TM9SF4: variants seen among roughly 807,000 people sequenced by gnomAD.
TM9SF4 encodes the protein dinucleotide oxidase disulfide thiol exchanger 3 superfamily member 4.
A neutral mutation model predicts 90.4 loss-of-function variants in TM9SF4; 26 were observed. The ratio of observed to expected loss-of-function variants is 0.29; its 90% CI spans 0.21 to 0.40. The LOEUF (loss-of-function observed/expected upper bound fraction) is 0.40. TM9SF4 is among the 10% of genes least tolerant of loss of function. The pLI is 1.00. For synonymous variants in TM9SF4, 293 were observed against 315.4 expected (o/e 0.93, Z 0.75); for missense variants, 549 against 834.8 (o/e 0.66, Z 4.22).
intron 1 of TM9SF4, among the ~76,000 whole-genome samples, chr20:32,115,583 A>G (rs2046206119): frequency 6.6e-6 from 1 of 151,810 alleles, no homozygotes; most frequent in South Asian, 2.1e-4. Flanking sequence ...ATGGTTTCTC[A>G]CCTATGCCTG....
At chr20:32,163,923 G>A (rs962323041) in intron 17 of TM9SF4, among the ~76,000 whole-genome samples, 5 of 152,002 alleles carry the variant, frequency 3.3e-5, no homozygotes, top group African/African-American at 1.2e-4. Flanking sequence ...TTTTGTGCTA[G>A]GATTGATGGC....
At chr20:32,123,176 AG>A (rs1301634734) in intron 1 of TM9SF4, among the ~76,000 whole-genome samples, 3 of 9,176 alleles carry the variant, frequency 3.3e-4, no homozygotes, top group African/African-American at 7.8e-4. Context: ...GGAGAGGGGG[AG>A]GGGGGGAGGG....
At chr20:32,152,607 T>C (rs1481403835) in intron 12 of TM9SF4, among the ~76,000 whole-genome samples, 1 of 151,914 alleles carries the variant, frequency 6.6e-6, no homozygotes, top group Non-Finnish European at 1.5e-5. Flanking sequence ...ATTCTGACCC[T>C]TCCCTGGTGC....
In TM9SF4 at chr20:32,145,161, C is replaced by T. The variant is rs1297733654; in HGVS notation, c.723C>T (p.Asp241=). The part of the protein sequence containing the change: ...EGTNSSPQEI[D]PTKENQLYFT... ...CCAACTCCTCGCCCCAAGAAATTGACCCCACCAAGGAGAATCAGCTGTACT... is the reference window on the plus strand; with the variant it reads ...CCAACTCCTCGCCCCAAGAAATTGATCCCACCAAGGAGAATCAGCTGTACT... The change falls in exon 7 of 18, where the codon GAC becomes GAT. Residue 241 remains aspartate, a synonymous_variant. Transcript: ENST00000398022. The T allele has an allele frequency of 6.2e-7, 1 of 1,614,048 alleles. No individual in the cohort carries two copies. The highest frequency in any genetic ancestry group is 8.5e-7 in the Non-Finnish European group (1 of 1,180,048).
At chr20:32,155,230 G>A in intron 13 of TM9SF4, 44 bp downstream of exon 13, 1 of 1,520,504 alleles carries the variant, frequency 6.6e-7, no homozygotes, top group Non-Finnish European at 9.1e-7. Flanking sequence ...CAGCAAGCGA[G>A]GACCAGTTGC....
At chr20:32,158,332 A>G in intron 14 of TM9SF4, 119 bp from the exon 15 acceptor site, 4 of 992,622 alleles carry the variant, frequency 4.0e-6, no homozygotes, top group Non-Finnish European at 6.4e-6. Context: ...GAAATATGCC[A>G]GAAGAATTAG....
At chr20:32,151,782 A>G (rs1296954152) in intron 12 of TM9SF4, among the ~76,000 whole-genome samples, 1 of 151,384 alleles carries the variant, frequency 6.6e-6, no homozygotes, top group Non-Finnish European at 1.5e-5. Flanking sequence ...CCTGGGTTCA[A>G]GTTATTCTCC....
At chr20:32,150,750 A>G in intron 11 of TM9SF4, 47 bp downstream of exon 11, 3 of 1,614,148 alleles carry the variant, frequency 1.9e-6, no homozygotes. Context: ...GGCCTCCTCC[A>G]CACCAGCTAA....
At chr20:32,144,856 T>C (rs2122419053) in intron 6 of TM9SF4, among the ~76,000 whole-genome samples, 1 of 152,306 alleles carries the variant, frequency 6.6e-6, no homozygotes, top group South Asian at 2.1e-4. Flanking sequence ...GAGGCTGCAG[T>C]GAGCTATGAT....
intron 15 of TM9SF4, 21 bp downstream of exon 15, chr20:32,158,535 C>A (rs768028705): frequency 6.2e-7 from 1 of 1,613,366 alleles, no homozygotes; most frequent in Middle Eastern, 1.7e-4. Context: ...GTGCCTCCCC[C>A]ACCCCTCCAC....
chr20:32,141,797 CT>C lies in TM9SF4; in HGVS notation c.431del (p.Leu144ArgfsTer66). On this transcript the variant is annotated frameshift_variant, in exon 5 of 18. Coordinates refer to ENST00000398022, the MANE Select transcript of TM9SF4 (RefSeq NM_014742.4). LOFTEE classifies it high-confidence loss of function. ...TGACAACCTGCCTGTGGCCACCCGG[CT>C]GGAGCTCTACTCCAACCGAGACAGC... ...IADNLPVATR[L>X]ELYSNRDSDD... 6.2e-7 allele frequency: 1 copy of C among 1,614,146 alleles called. No homozygotes were observed. The highest frequency in any genetic ancestry group is 8.5e-7 in the Non-Finnish European group (1 of 1,180,020).
At chr20:32,143,257 GAGA>G in intron 6 of TM9SF4, 152 bp downstream of exon 6, 1 of 1,023,404 alleles carries the variant, frequency 9.8e-7, no homozygotes, top group Non-Finnish European at 1.4e-6. Flanking sequence ...ATTCTCATTA[GAGA>G]AGACGGGGTG....
At chr20:32,143,578 G>A (rs921666525) in intron 6 of TM9SF4, among the ~76,000 whole-genome samples, 1 of 152,190 alleles carries the variant, frequency 6.6e-6, no homozygotes, top group Non-Finnish European at 1.5e-5. Flanking sequence ...GGGTCAACAG[G>A]TGTGCGGGAG....
chr20:32,124,838 T>C (rs946924192), intron 1 of TM9SF4, among the ~76,000 whole-genome samples: 1 of 152,202 alleles, frequency 6.6e-6, no homozygotes, highest in Non-Finnish European at 1.5e-5. Flanking sequence ...CCACCCTCCT[T>C]GGCTTCTCAA....
At chr20:32,112,482 G>T (rs760505825) in intron 1 of TM9SF4, among the ~76,000 whole-genome samples, 1 of 151,984 alleles carries the variant, frequency 6.6e-6, no homozygotes, top group Non-Finnish European at 1.5e-5. Context: ...AATCACTTGA[G>T]GCCAGGAGTT....
At chr20:32,127,876 G>A (rs888949394) in intron 1 of TM9SF4, among the ~76,000 whole-genome samples, 1 of 152,224 alleles carries the variant, frequency 6.6e-6, no homozygotes, top group African/African-American at 2.4e-5. Context: ...GTGATCCCCT[G>A]CACTGGTTTC....
intron 1 of TM9SF4, among the ~76,000 whole-genome samples, chr20:32,131,835 G>T (rs2046519930): frequency 6.6e-6 from 1 of 152,150 alleles, no homozygotes; most frequent in Non-Finnish European, 1.5e-5. Context: ...TGATTCCCAG[G>T]TGCCTATGCT....
At chr20:32,156,033 GAAGTTAAAGAAGAAATTT>G (rs1204644410) in intron 13 of TM9SF4, among the ~76,000 whole-genome samples, 1 of 152,158 alleles carries the variant, frequency 6.6e-6, no homozygotes, top group Non-Finnish European at 1.5e-5. Flanking sequence ...AAAGTGCAGA[GAAGTTAAAGAAGAAATTT>G]AAAATAACCC....
At chr20:32,129,377 C>T (rs1385545612) in intron 1 of TM9SF4, among the ~76,000 whole-genome samples, 1 of 151,874 alleles carries the variant, frequency 6.6e-6, no homozygotes, top group Non-Finnish European at 1.5e-5. Flanking sequence ...CCTGTGGTCC[C>T]AGCTACTTGG....
Sources: allele counts gnomAD v4.1 joint callset (sites outside exome capture counted in the v4.1 genomes callset), GRCh38; gene constraint gnomAD v4.1.1; transcripts MANE v1.5; gene names NCBI Gene and HGNC (gene_info 2026-07-23, HGNC 2026-07-21).